VWA3A: variants seen among roughly 807,000 people sequenced by gnomAD.
VWA3A encodes the protein von Willebrand factor A domain containing 3A.
In VWA3A, 134 loss-of-function variants were observed where a neutral mutation model predicts 160.4. The observed-to-expected ratio is 0.84, with a 90% confidence interval of 0.73 to 0.96. The LOEUF (loss-of-function observed/expected upper bound fraction) is 0.96. Ranked by LOEUF, VWA3A falls within the 40% of genes least tolerant of loss-of-function variation. The pLI is 0.00. For missense variants in VWA3A, 1,310 were observed against 1,447.9 expected, an observed-to-expected ratio of 0.90 and a Z score of 1.55; for synonymous variants, 476 against 543.4, an observed-to-expected ratio of 0.88 and a Z score of 1.72.
chr16:22,143,594 G>A (rs1165695397), intron 25 of VWA3A, among the ~76,000 whole-genome samples: 2 of 152,094 alleles, frequency 1.3e-5, no homozygotes, highest in Non-Finnish European at 2.9e-5. Flanking sequence ...AATATTGTAG[G>A]TGGGGTGCTC....
chr16:22,134,271 AGTCACCTCCAGGT>A lies in VWA3A; in HGVS notation c.2069-95_2069-83del, dbSNP rs1598088605. 2.0e-5 allele frequency: 20 copies of A among 983,730 alleles called. No individual in the cohort carries two copies. In the East Asian group the frequency reaches 5.4e-4, roughly 27 times the overall value. 60.9% of individuals were successfully genotyped at this position (983,730 alleles called of 1,614,324 possible). A position where few individuals can be genotyped will look rare whatever the true frequency, so the allele number is the denominator to read the frequency against. On this transcript the variant is annotated intron_variant, in intron 20 of 33. Coordinates refer to ENST00000389398, the MANE Select transcript of VWA3A (RefSeq NM_173615.5). Reference sequence around the variant, plus strand: ...AGTAAGCCACCATTCCCAGCCCTCAAGTCACCTCCAGGTGGCTTTCTAGTATCCAGATGATGGG... The same window carrying A: ...AGTAAGCCACCATTCCCAGCCCTCAAGGCTTTCTAGTATCCAGATGATGGG...
Position 22,100,265 on chromosome 16 carries a change from A to C in VWA3A, c.297A>C (p.Leu99Phe), listed in dbSNP as rs1216611335. The C allele has an allele frequency of 1.4e-5, 22 of 1,551,382 alleles. No individual in the cohort carries two copies. The Middle Eastern group carries it at 1.0e-3, about 72-fold the overall frequency. ...DSEDWLSAHS[L>F]KCQKLTLADL... The stretch of plus-strand genomic sequence containing the variant: ...AAGACTGGCTTTCGGCTCACAGTTT[A>C]AAATGTCAGAAACTCACCTTGGCTG... The change falls in exon 4 of 34, where the codon TTA (leucine) becomes TTC (phenylalanine). Residue 99 changes from leucine to phenylalanine, a missense_variant. Coordinates refer to ENST00000389398, the MANE Select transcript of VWA3A (RefSeq NM_173615.5).
intron 11 of VWA3A, among the ~76,000 whole-genome samples, chr16:22,118,555 G>A (rs1411226136): frequency 6.6e-6 from 1 of 152,034 alleles, no homozygotes; most frequent in Non-Finnish European, 1.5e-5. Flanking sequence ...GCGTGGTGGC[G>A]GGCGCCTGTA....
intron 11 of VWA3A, among the ~76,000 whole-genome samples, chr16:22,117,989 C>G (rs2141900066): frequency 6.6e-6 from 1 of 152,270 alleles, no homozygotes; most frequent in East Asian, 1.9e-4. Flanking sequence ...TATCTTAAAA[C>G]CTGTGGCTTG....
intron 17 of VWA3A, among the ~76,000 whole-genome samples, chr16:22,127,265 T>C (rs1390426056): frequency 6.6e-6 from 1 of 152,016 alleles, no homozygotes; most frequent in Non-Finnish European, 1.5e-5. Context: ...TAGCTGGGTC[T>C]ACAGGCACAC....
At chr16:22,109,448 AC>A in intron 6 of VWA3A, 33 bp from the exon 7 acceptor site, 1 of 1,532,250 alleles carries the variant, frequency 6.5e-7, no homozygotes, top group Non-Finnish European at 8.9e-7. Context: ...ACAGACTTGC[AC>A]TGGCTGTTTC....
At chr16:22,141,509 C>A in intron 23 of VWA3A, 73 bp from the exon 24 acceptor site, 1 of 1,438,118 alleles carries the variant, frequency 7.0e-7, no homozygotes, top group Non-Finnish European at 9.6e-7. Flanking sequence ...TTGAGTGTCT[C>A]TAAGCCAAGC....
chr16:22,152,438 A>G (rs1171523661), intron 30 of VWA3A, 73 bp from the exon 31 acceptor site: 12 of 1,577,514 alleles, frequency 7.6e-6, no homozygotes, highest in Non-Finnish European at 1.0e-5. Context: ...TAAGTTCCCC[A>G]TGGACGTGGG....
chr16:22,145,256 G>C (rs903281544), intron 26 of VWA3A, among the ~76,000 whole-genome samples: 1 of 152,144 alleles, frequency 6.6e-6, no homozygotes, highest in African/African-American at 2.4e-5. Flanking sequence ...GGTCATTCTA[G>C]CATGTTGCCC....
intron 28 of VWA3A, among the ~76,000 whole-genome samples, chr16:22,149,437 G>T (rs561613808): frequency 6.6e-6 from 1 of 152,192 alleles, no homozygotes; most frequent in East Asian, 1.9e-4. Context: ...AGAGATGGGG[G>T]TCTCACTATG....
intron 17 of VWA3A, among the ~76,000 whole-genome samples, chr16:22,129,779 C>A (rs563153879): frequency 9.2e-5 from 14 of 152,172 alleles, no homozygotes; most frequent in African/African-American, 3.1e-4. Flanking sequence ...GAAGGGTGGG[C>A]AGAAGAAGGG....
At chr16:22,152,715 A>G in intron 31 of VWA3A, 81 bp downstream of exon 31, 4 of 1,528,394 alleles carry the variant, frequency 2.6e-6, no homozygotes, top group South Asian at 1.2e-5. Context: ...TTCCTTCTTG[A>G]ACTCCTGGGC....
rs193067263 is a variant in VWA3A at position 22,126,160 on chromosome 16, G to A, written c.1533-18G>A. The A allele has an allele frequency of 1.5e-5, 24 of 1,613,014 alleles. No homozygotes were observed. In the Admixed American group the frequency reaches 3.3e-4, roughly 22 times the overall value. On this transcript the variant is annotated intron_variant, in intron 16 of 33. Transcript: ENST00000389398. The stretch of plus-strand genomic sequence containing the variant: ...TCAGAGATTCGGTTCTCCTCTTAAA[G>A]CTCGTGTTTCCTTTTAGGGTGGTTG...
At chr16:22,145,573 AG>A (rs2046233591) in intron 26 of VWA3A, among the ~76,000 whole-genome samples, 1 of 151,484 alleles carries the variant, frequency 6.6e-6, no homozygotes, top group Admixed American at 6.6e-5. Flanking sequence ...CGGGAGGCAG[AG>A]GCTGAAGTGA....
At chr16:22,123,050 C>T (rs543578506) in intron 14 of VWA3A, 35 bp from the exon 15 acceptor site, 31 of 1,548,746 alleles carry the variant, frequency 2.0e-5, no homozygotes, top group Non-Finnish European at 2.6e-5. Flanking sequence ...TACTTCTGTT[C>T]GCCTGCTCAC....
chr16:22,148,403 G>T, intron 28 of VWA3A, 97 bp downstream of exon 28: 1 of 1,441,680 alleles, frequency 6.9e-7, no homozygotes, highest in Non-Finnish European at 9.2e-7. Flanking sequence ...CAGGCCTGGA[G>T]TTTCTGAGAT....
intron 6 of VWA3A, among the ~76,000 whole-genome samples, chr16:22,104,968 C>T (rs2141851005): frequency 6.6e-6 from 1 of 152,264 alleles, no homozygotes; most frequent in African/African-American, 2.4e-5. Context: ...CAATCCCCAC[C>T]TCTACCCAAG....
Position 22,100,319 on chromosome 16 carries a change from G to GT in VWA3A, c.350+2dup. 6.4e-7 allele frequency: 1 copy of GT among 1,551,600 alleles called. No homozygotes were observed. Among genetic ancestry groups the GT allele is most frequent in the Non-Finnish European group, 8.7e-7 (1 of 1,146,998 alleles). On this transcript the variant is annotated splice_donor_variant, in intron 4 of 33. Coordinates refer to ENST00000389398, the MANE Select transcript of VWA3A (RefSeq NM_173615.5). LOFTEE classifies it high-confidence loss of function. ...TGATAAGCCAGGGCACAGAAGTGCTGTAAGTCTGAAGCTGTTCCCCGCACC... is the reference window on the plus strand; with the variant it reads ...TGATAAGCCAGGGCACAGAAGTGCTGTTAAGTCTGAAGCTGTTCCCCGCACC...
At chr16:22,120,853 C>T in intron 12 of VWA3A, 115 bp from the exon 13 acceptor site, 1 of 1,308,300 alleles carries the variant, frequency 7.6e-7, no homozygotes, top group Non-Finnish European at 1.0e-6. Flanking sequence ...TGCCTTTAAT[C>T]TACCAGGGAG....
Sources: gnomAD v4.1 joint callset for allele counts (sites outside exome capture counted in the v4.1 genomes callset) on GRCh38, gnomAD v4.1.1 for gene constraint, MANE v1.5 for transcripts, NCBI Gene and HGNC (gene_info 2026-07-23, HGNC 2026-07-21) for gene names.